KCNT2: variants seen among roughly 807,000 people sequenced by gnomAD.
KCNT2 encodes the protein potassium sodium-activated channel subfamily T member 2, also known as potassium channel subfamily T member 2.
In KCNT2, 67 loss-of-function variants were observed where a neutral mutation model predicts 153.8. The ratio of observed to expected loss-of-function variants is 0.44; its 90% CI spans 0.36 to 0.53. KCNT2 has a LOEUF of 0.53. Ranked by LOEUF, KCNT2 falls within the 20% of genes least tolerant of loss-of-function variation. KCNT2 has a pLI of 0.00. For synonymous variants in KCNT2, 500 were observed against 458.8 expected (o/e 1.09, Z -1.15); for missense variants, 975 against 1,354.8 (o/e 0.72, Z 4.40).
intron 8 of KCNT2, among the ~76,000 whole-genome samples, chr1:196,432,379 G>A (rs1216501443): frequency 5.9e-5 from 9 of 152,090 alleles, no homozygotes; most frequent in African/African-American, 1.9e-4. Flanking sequence ...GTAGTCAGCA[G>A]CATGAAATGC....
intron 13 of KCNT2, among the ~76,000 whole-genome samples, chr1:196,397,219 T>G (rs1671012860): frequency 6.6e-6 from 1 of 151,442 alleles, no homozygotes; most frequent in Non-Finnish European, 1.5e-5. Flanking sequence ...TTACTGCCAT[T>G]CAAAAATTTT....
At chr1:196,360,429 G>T (rs1667519929) in intron 14 of KCNT2, among the ~76,000 whole-genome samples, 1 of 152,060 alleles carries the variant, frequency 6.6e-6, no homozygotes, top group South Asian at 2.1e-4. Flanking sequence ...ATAGCAGTTG[G>T]TAAATGTGTT....
At chr1:196,373,293 G>C (rs1391348349) in intron 13 of KCNT2, 45 bp from the exon 14 acceptor site, 1 of 846,358 alleles carries the variant, frequency 1.2e-6, no homozygotes, top group Admixed American at 1.9e-5. Flanking sequence ...TACCTTTGGA[G>C]AGTAATAAAA....
chr1:196,276,784 C>A (rs12060609), intron 25 of KCNT2, among the ~76,000 whole-genome samples: 4,046 of 152,100 alleles, frequency 0.027, 80 homozygotes, highest in South Asian at 0.084. Context: ...CTTTCAAAAT[C>A]TTGAGAGCAT....
chr1:196,375,361 C>G (rs1487567585), intron 13 of KCNT2, among the ~76,000 whole-genome samples: 3 of 151,782 alleles, frequency 2.0e-5, no homozygotes, highest in African/African-American at 7.2e-5. Context: ...GGCAATTTTA[C>G]ACATAAACAC....
chr1:196,228,744 T>C (rs1275420679), intron 27 of KCNT2, among the ~76,000 whole-genome samples: 1 of 152,128 alleles, frequency 6.6e-6, no homozygotes, highest in East Asian at 1.9e-4. Flanking sequence ...ACCTACATTT[T>C]AGCCATCATT....
At chr1:196,568,648 C>T (rs906301200) in intron 1 of KCNT2, among the ~76,000 whole-genome samples, 12 of 151,426 alleles carry the variant, frequency 7.9e-5, no homozygotes, top group African/African-American at 2.7e-4. Flanking sequence ...TGACAGGAGG[C>T]GGAGCTCAGG....
intron 8 of KCNT2, among the ~76,000 whole-genome samples, chr1:196,451,661 T>C (rs1376764966): frequency 2.0e-5 from 3 of 151,742 alleles, no homozygotes; most frequent in Non-Finnish European, 1.5e-5. Flanking sequence ...ATACTTCTTA[T>C]AAGGAGCATT....
At chr1:196,598,974 A>G (rs752947636) in intron 1 of KCNT2, among the ~76,000 whole-genome samples, 1 of 152,238 alleles carries the variant, frequency 6.6e-6, no homozygotes, top group Non-Finnish European at 1.5e-5. Context: ...AATAGCACAT[A>G]AACTCTTTTG....
chr1:196,255,450 T>C (rs1172706857), intron 26 of KCNT2, among the ~76,000 whole-genome samples: 4 of 151,418 alleles, frequency 2.6e-5, no homozygotes, highest in Non-Finnish European at 5.9e-5. Flanking sequence ...ATTGTCACTT[T>C]AGCTGTTTCC....
chr1:196,345,496 G>A (rs1041086179), intron 14 of KCNT2, among the ~76,000 whole-genome samples: 24 of 152,140 alleles, frequency 1.6e-4, no homozygotes, highest in Admixed American at 9.8e-4. Context: ...TAGCTGGGAG[G>A]AGGGATCATG....
At chr1:196,494,253 A>G (rs1361402) in intron 1 of KCNT2, among the ~76,000 whole-genome samples, 149,737 of 152,306 alleles carry the variant, frequency 0.98, 73,654 homozygotes, top group Middle Eastern at 1. Context: ...GGCTACATAA[A>G]CAAATTTGAG....
chr1:196,391,730 T>A (rs1230767888), intron 13 of KCNT2, among the ~76,000 whole-genome samples: 1 of 151,350 alleles, frequency 6.6e-6, no homozygotes, highest in Non-Finnish European at 1.5e-5. Context: ...ACACCAATGT[T>A]AATTTCTTGT....
chr1:196,468,174 T>C (rs576400900), intron 6 of KCNT2, among the ~76,000 whole-genome samples: 57 of 152,214 alleles, frequency 3.7e-4, no homozygotes, highest in East Asian at 1.5e-3. Context: ...TGCCTCTTAC[T>C]CTCTTTATGT....
rs548290872 is a variant in KCNT2 at position 196,343,403 on chromosome 1, A to C, written c.1404-1175T>G. The stretch of plus-strand genomic sequence containing the variant: ...CATTTACCTTTGCTGAATAACACTT[A>C]TGAACTCTACAAAAAAGCACATTTT... On this transcript the variant is annotated intron_variant, in intron 14 of 27. Coordinates refer to ENST00000294725, the MANE Select transcript of KCNT2 (RefSeq NM_198503.5). 9.9e-5 allele frequency among the ~76,000 whole-genome samples: 15 copies of C among 152,282 alleles called. 1 individual carries two copies. The highest frequency in any genetic ancestry group is 2.6e-4 in the African/African-American group (11 of 41,576).
intron 14 of KCNT2, among the ~76,000 whole-genome samples, chr1:196,371,220 CAAAAAAAAAAAAA>C (rs952744388): frequency 7.3e-4 from 16 of 21,934 alleles, no homozygotes; most frequent in African/African-American, 1.5e-3. Context: ...CCCGTCACTA[CAAAAAAAAAAAAA>C]AAAAAAAAAA....
At chr1:196,539,815 A>G (rs1303043137) in intron 1 of KCNT2, among the ~76,000 whole-genome samples, 1 of 151,772 alleles carries the variant, frequency 6.6e-6, no homozygotes, top group Non-Finnish European at 1.5e-5. Flanking sequence ...ATAATTAAAT[A>G]TAATACATTT....
intron 2 of KCNT2, among the ~76,000 whole-genome samples, chr1:196,491,802 T>C (rs890636183): frequency 6.6e-6 from 1 of 152,090 alleles, no homozygotes; most frequent in Non-Finnish European, 1.5e-5. Context: ...TAGGAATCTG[T>C]ATATTTCAGT....
At chr1:196,434,130 A>T (rs553927444) in intron 8 of KCNT2, among the ~76,000 whole-genome samples, 1 of 152,156 alleles carries the variant, frequency 6.6e-6, no homozygotes, top group South Asian at 2.1e-4. Flanking sequence ...ATATTGCCAA[A>T]CTAATTACGA....
Sources: allele counts gnomAD v4.1 joint callset (sites outside exome capture counted in the v4.1 genomes callset), GRCh38; gene constraint gnomAD v4.1.1; transcripts MANE v1.5; gene names NCBI Gene and HGNC (gene_info 2026-07-23, HGNC 2026-07-21).